Variants in DST observed in about 807,000 individuals in gnomAD.
The protein encoded by DST is bullous pemphigoid antigen.
In DST, 253 loss-of-function variants were observed where a neutral mutation model predicts 875.2. That is an observed-to-expected ratio of 0.29 (90% CI 0.26 to 0.32). The LOEUF (loss-of-function observed/expected upper bound fraction) is 0.32, where lower values mean the gene tolerates loss of function less well. DST is among the 10% of genes least tolerant of loss of function. The probability of loss-of-function intolerance (pLI) is 1.00; values close to 1 mark genes in which losing one functional copy is unlikely to be tolerated. For missense variants in DST, 8,287 were observed against 9,111.6 expected (o/e 0.91, Z 3.68); for synonymous variants, 3,124 against 3,197.1 (o/e 0.98, Z 0.77).
At chr6:56,897,666 G>A (rs1792095833) in intron 3 of DST, among the ~76,000 whole-genome samples, 1 of 152,048 alleles carries the variant, frequency 6.6e-6, no homozygotes, top group African/African-American at 2.4e-5. Context: ...TGCTGTCACT[G>A]TAACCCTCTC....
At chr6:56,756,085 T>G (rs1290875994) in intron 4 of DST, among the ~76,000 whole-genome samples, 3 of 152,208 alleles carry the variant, frequency 2.0e-5, no homozygotes, top group Non-Finnish European at 4.4e-5. Context: ...TAATTTTTCC[T>G]GTTCAGGCTT....
At chr6:56,491,910 G>C (rs573348854) in intron 85 of DST, among the ~76,000 whole-genome samples, 1 of 152,136 alleles carries the variant, frequency 6.6e-6, no homozygotes, top group Admixed American at 6.5e-5. Flanking sequence ...AAAGGACAAA[G>C]AAAAAGAAAA....
At position 56,616,068 on chromosome 6, in the gene DST, G is replaced by A. The variant is rs140472004; in HGVS notation, c.4930-1584C>T. ...GTAATCCGATCAACCAAATTTCTACGGGAGGCTTTTAGTACAGAGATCCTT... is the reference window on the plus strand; with the variant it reads ...GTAATCCGATCAACCAAATTTCTACAGGAGGCTTTTAGTACAGAGATCCTT... On this transcript the variant is annotated intron_variant, in intron 36 of 103. Coordinates refer to ENST00000680361, the MANE Select transcript of DST (RefSeq NM_001374736.1). 1.6e-5 allele frequency: 26 copies of A among 1,614,006 alleles called. 1 individual carries two copies. Among genetic ancestry groups the A allele is most frequent in the African/African-American group, 1.1e-4 (8 of 74,912 alleles).
intron 80 of DST, among the ~76,000 whole-genome samples, chr6:56,498,585 C>T (rs940925283): frequency 6.6e-6 from 1 of 152,120 alleles, no homozygotes; most frequent in African/African-American, 2.4e-5. Flanking sequence ...AAATTTCTCA[C>T]TTGGTTCAAG....
rs1777151783 is a variant in DST, at chr6:56,871,632, A to C, written c.418-20028T>G. The C allele has an allele frequency of 1.7e-5, 13 of 754,744 alleles. No individual in the cohort carries two copies. The Admixed American group carries it at 2.1e-4, about 12-fold the overall frequency. The allele number at this position is 754,744 out of a possible 1,614,324, so 46.8% of individuals were successfully genotyped here. On this transcript the variant is annotated intron_variant, in intron 3 of 103. Transcript: ENST00000680361. ...CATGAGCTCTCTCTGCCACATCGAG[A>C]TGATCCTTACTGAAAAGGAACAAAT... is the stretch of plus-strand genomic sequence containing the variant.
intron 49 of DST, among the ~76,000 whole-genome samples, chr6:56,579,824 T>C (rs1459947912): frequency 6.6e-6 from 1 of 152,216 alleles, no homozygotes; most frequent in Non-Finnish European, 1.5e-5. Context: ...TGGGGAGTTA[T>C]GCAGGGCTTT....
chr6:56,476,813 A>G (rs2095215228), intron 91 of DST, among the ~76,000 whole-genome samples: 2 of 151,680 alleles, frequency 1.3e-5, no homozygotes, highest in East Asian at 1.9e-4. Flanking sequence ...TTAGCTGGGC[A>G]TGGTGGCACG....
chr6:56,624,491 C>G, intron 36 of DST, 39 bp downstream of exon 36: 1 of 1,384,514 alleles, frequency 7.2e-7, no homozygotes, highest in South Asian at 1.2e-5. Flanking sequence ...TCATCTCTAG[C>G]TCCTTTATAT....
At chr6:56,933,957 A>G (rs17752459) in intron 2 of DST, among the ~76,000 whole-genome samples, 21,325 of 152,192 alleles carry the variant, frequency 0.14, 1,828 homozygotes, top group Middle Eastern at 0.23. Flanking sequence ...GTAAGAGCCA[A>G]TTCCTACATT....
intron 3 of DST, among the ~76,000 whole-genome samples, chr6:56,892,287 G>A (rs1259664238): frequency 2.7e-5 from 4 of 150,236 alleles, no homozygotes; most frequent in Admixed American, 6.6e-5. Context: ...TCCACTTCCC[G>A]GACCCAGCAT....
intron 61 of DST, among the ~76,000 whole-genome samples, chr6:56,544,474 A>G (rs986960450): frequency 6.6e-6 from 1 of 152,232 alleles, no homozygotes; most frequent in Non-Finnish European, 1.5e-5. Context: ...TGGGTAGTAC[A>G]TTTTTAAAAC....
intron 3 of DST, among the ~76,000 whole-genome samples, chr6:56,878,000 G>A (rs1175066016): frequency 6.6e-6 from 1 of 152,146 alleles, no homozygotes; most frequent in African/African-American, 2.4e-5. Context: ...GACCAGTCAT[G>A]CAATAAAGGG....
rs80314345 is a variant in DST, at chr6:56,912,633, C to T, written c.217-12012G>A. Among the ~76,000 whole-genome samples, 303 of 152,312 alleles carry T rather than the reference C, an allele frequency of 2.0e-3. 2 individuals carry two copies. Among genetic ancestry groups the T allele is most frequent in the African/African-American group, 7.1e-3 (295 of 41,562 alleles). On this transcript the variant is annotated intron_variant, in intron 2 of 103. Transcript: ENST00000680361. Reference sequence around the variant, plus strand: ...CTTAACACAATAAAAGTTTATGCCTCGCTCATGTCACGCATAGATCAGCAA... The same window carrying T: ...CTTAACACAATAAAAGTTTATGCCTTGCTCATGTCACGCATAGATCAGCAA...
intron 3 of DST, among the ~76,000 whole-genome samples, chr6:56,859,871 TAAG>T (rs1770062230): frequency 6.6e-6 from 1 of 152,166 alleles, no homozygotes; most frequent in Non-Finnish European, 1.5e-5. Flanking sequence ...AGAAAGTTGA[TAAG>T]GAGAGAGAGG....
chr6:56,721,675 G>C (rs1186801853), intron 5 of DST, among the ~76,000 whole-genome samples: 3 of 152,282 alleles, frequency 2.0e-5, no homozygotes, highest in Middle Eastern at 6.8e-3. Context: ...ATACCATTTT[G>C]TTAAATAAAT....
intron 4 of DST, among the ~76,000 whole-genome samples, chr6:56,808,152 G>A (rs1231874669): frequency 6.6e-6 from 1 of 151,914 alleles, no homozygotes; most frequent in East Asian, 1.9e-4. Flanking sequence ...GAGCTATGAC[G>A]TCATCCAAGT....
intron 49 of DST, among the ~76,000 whole-genome samples, chr6:56,589,224 A>C (rs746076898): frequency 6.6e-6 from 1 of 152,202 alleles, no homozygotes; most frequent in Admixed American, 6.5e-5. Context: ...TACCAGCTTA[A>C]AACTTAGAAG....
At chr6:56,469,719 T>A (rs2094787144) in intron 97 of DST, 164 bp downstream of exon 97, 1 of 631,696 alleles carries the variant, frequency 1.6e-6, no homozygotes. Flanking sequence ...GCTGCCGTTA[T>A]ACAAATTAAA....
At chr6:56,483,557 T>TTC (rs2095470456) in intron 88 of DST, 2 of 116,186 alleles carry the variant, frequency 1.7e-5, no homozygotes, top group Non-Finnish European at 1.8e-5. Flanking sequence ...TTTTTTTTTT[T>TTC]CCTGCCTAAT....
Sources: allele counts gnomAD v4.1 joint callset (sites outside exome capture counted in the v4.1 genomes callset), GRCh38; gene constraint gnomAD v4.1.1; transcripts MANE v1.5; gene names NCBI Gene and HGNC (gene_info 2026-07-23, HGNC 2026-07-21).